ENOX2: variants seen among roughly 807,000 people sequenced by gnomAD.
The protein encoded by ENOX2 is APK1 antigen.
A neutral mutation model predicts 45.0 loss-of-function variants in ENOX2; 36 were observed. That is an observed-to-expected ratio of 0.80 (90% CI 0.61 to 1.06). The LOEUF (loss-of-function observed/expected upper bound fraction) is 1.06, where lower values mean the gene tolerates loss of function less well. Among genes scored for constraint, ENOX2 ranks in the 50% least tolerant of loss-of-function variants. The pLI is 0.00. For synonymous variants in ENOX2, 174 were observed against 152.3 expected, an observed-to-expected ratio of 1.14 and a Z score of -1.05; for missense variants, 423 against 462.5, an observed-to-expected ratio of 0.91 and a Z score of 0.78.
At chrX:130,754,985 AC>A (rs2039319658) in intron 3 of ENOX2, among the ~76,000 whole-genome samples, 1 of 112,293 alleles carries the variant, frequency 8.9e-6, no homozygotes, top group Non-Finnish European at 1.9e-5. Flanking sequence ...AATTTGAGAA[AC>A]TAGGAGTTAA....
chrX:130,728,348 C>T (rs746794119), intron 3 of ENOX2, among the ~76,000 whole-genome samples: 1 of 111,623 alleles, frequency 9.0e-6, no homozygotes, highest in African/African-American at 3.3e-5. Context: ...CCAGCTTTCC[C>T]TGACACTATA....
intron 8 of ENOX2, 25 bp downstream of exon 8, chrX:130,667,505 C>T: frequency 8.5e-7 from 1 of 1,172,586 alleles, no homozygotes; most frequent in Non-Finnish European, 1.2e-6. Flanking sequence ...ATTCTCATTC[C>T]AGCAGAACTC....
intron 2 of ENOX2, among the ~76,000 whole-genome samples, chrX:130,823,976 A>C (rs1361487561): frequency 8.9e-6 from 1 of 112,169 alleles, no homozygotes; most frequent in Admixed American, 9.5e-5. Context: ...ATTAGAATAC[A>C]TTTAACTCAT....
chrX:130,784,585 T>TA (rs2076940811), intron 2 of ENOX2, among the ~76,000 whole-genome samples: 1 of 104,970 alleles, frequency 9.5e-6, no homozygotes, highest in African/African-American at 3.6e-5. Flanking sequence ...TATAGCTCAC[T>TA]CTTTTTTTTT....
At chrX:130,851,444 G>A (rs1184173384) in intron 2 of ENOX2, among the ~76,000 whole-genome samples, 1 of 108,585 alleles carries the variant, frequency 9.2e-6, no homozygotes, top group Non-Finnish European at 1.9e-5. Context: ...TGGGATAAAT[G>A]GATGTATTTT....
chrX:130,698,139 G>T (rs750963129), intron 4 of ENOX2, among the ~76,000 whole-genome samples: 1 of 111,521 alleles, frequency 9.0e-6, no homozygotes, highest in South Asian at 3.8e-4. Flanking sequence ...TGATGTGCTT[G>T]TTCCCAAATA....
intron 3 of ENOX2, among the ~76,000 whole-genome samples, chrX:130,746,431 CTT>C (rs964091076): frequency 1.8e-5 from 2 of 111,853 alleles, no homozygotes; most frequent in African/African-American, 6.5e-5. Flanking sequence ...TTGGCCTTCT[CTT>C]ATACTTTAGT....
intron 2 of ENOX2, among the ~76,000 whole-genome samples, chrX:130,794,481 G>A (rs1378028486): frequency 2.7e-5 from 3 of 112,688 alleles, no homozygotes; most frequent in Non-Finnish European, 5.6e-5. Flanking sequence ...CAGGAGCCTA[G>A]GCTGAGCCAG....
intron 2 of ENOX2, among the ~76,000 whole-genome samples, chrX:130,844,716 T>C (rs1439836467): frequency 8.9e-6 from 1 of 112,066 alleles, no homozygotes; most frequent in East Asian, 2.8e-4. Flanking sequence ...AAGGGAGATA[T>C]GTTATTTGAA....
At chrX:130,726,417 C>T (rs753059051) in intron 3 of ENOX2, among the ~76,000 whole-genome samples, 1 of 112,411 alleles carries the variant, frequency 8.9e-6, no homozygotes, top group South Asian at 3.7e-4. Flanking sequence ...CAGACAGTTA[C>T]AGGCTTCTTC....
chrX:130,872,377 C>T (rs1027211711), intron 2 of ENOX2, among the ~76,000 whole-genome samples: 1 of 112,122 alleles, frequency 8.9e-6, no homozygotes, highest in Admixed American at 9.4e-5. Flanking sequence ...TCAGAATCTT[C>T]GAGAAGTCTT....
chrX:130,678,780 G>C (rs1402407484), intron 6 of ENOX2, among the ~76,000 whole-genome samples: 3 of 111,246 alleles, frequency 2.7e-5, no homozygotes, highest in Admixed American at 9.6e-5. Context: ...CTTGATGACA[G>C]GAAGTCTATC....
intron 2 of ENOX2, among the ~76,000 whole-genome samples, chrX:130,889,836 C>A (rs1317213320): frequency 8.9e-6 from 1 of 112,468 alleles, no homozygotes; most frequent in Non-Finnish European, 1.9e-5. Context: ...CTTTCCTCTG[C>A]CATTCAGAAA....
Position 130,703,152 on chromosome X carries a change from G to T in ENOX2, c.65C>A (p.Pro22Gln). Reference sequence around the variant, plus strand: ...AATTGGTTGTCCGGCAATTCCCAGCGGTGCCATTCCAAGATTATTCATTGC... The same window carrying T: ...AATTGGTTGTCCGGCAATTCCCAGCTGTGCCATTCCAAGATTATTCATTGC... Reference protein sequence around the residue: ...ATAMNNLGMAPLGIAGQPILP... With the variant: ...ATAMNNLGMAQLGIAGQPILP... Residue 22 changes from proline (P) to glutamine (Q), a missense_variant, in exon 4 of 15, where the codon CCG (proline) becomes CAG (glutamine). Around this residue, in one of 5 missense-constraint regions of ENOX2, gnomAD observed 261 missense variants for 306.8 expected, o/e 0.85. Coordinates refer to ENST00000394363, the MANE Select transcript of ENOX2 (RefSeq NM_006375.4). The T allele has an allele frequency of 8.3e-7, 1 of 1,207,900 alleles. No individual in the cohort carries two copies. Among genetic ancestry groups the T allele is most frequent in the Non-Finnish European group, 1.1e-6 (1 of 893,168 alleles).
intron 3 of ENOX2, among the ~76,000 whole-genome samples, chrX:130,719,933 CA>C (rs1296413632): frequency 9.0e-6 from 1 of 111,456 alleles, no homozygotes; most frequent in Non-Finnish European, 1.9e-5. Flanking sequence ...ATAGGATAGG[CA>C]AAAGGGTAAA....
At chrX:130,785,938 G>A (rs2076962896) in intron 2 of ENOX2, among the ~76,000 whole-genome samples, 1 of 112,599 alleles carries the variant, frequency 8.9e-6, no homozygotes, top group African/African-American at 3.2e-5. Context: ...GTGTAAAAGA[G>A]AGTGATAACA....
chrX:130,787,517 G>A (rs911754451), intron 2 of ENOX2, among the ~76,000 whole-genome samples: 7 of 111,691 alleles, frequency 6.3e-5, no homozygotes, highest in African/African-American at 2.3e-4. Flanking sequence ...ATCCAAGGAT[G>A]TACCCTGCTT....
intron 3 of ENOX2, among the ~76,000 whole-genome samples, chrX:130,761,677 T>C (rs1046956241): frequency 9.0e-6 from 1 of 111,049 alleles, no homozygotes; most frequent in African/African-American, 3.3e-5. Context: ...GCATGTCACA[T>C]GGTGAAAGCA....
chrX:130,731,155 T>G (rs2038730164), intron 3 of ENOX2, among the ~76,000 whole-genome samples: 1 of 111,781 alleles, frequency 8.9e-6, no homozygotes, highest in South Asian at 3.7e-4. Context: ...AGCAAGGTAC[T>G]TAATCTCTCT....
Sources: allele counts gnomAD v4.1 joint callset (sites outside exome capture counted in the v4.1 genomes callset), GRCh38; gene constraint gnomAD v4.1.1; regional missense constraint gnomAD v4.1.1; transcripts MANE v1.5; gene names NCBI Gene and HGNC (gene_info 2026-07-23, HGNC 2026-07-21).